NALCN: variants seen among roughly 807,000 people sequenced by gnomAD.
NALCN encodes sodium leak channel NALCN.
NALCN carries 111 observed loss-of-function variants against 225.3 expected under a neutral mutation model. The observed-to-expected ratio is 0.49, with a 90% confidence interval of 0.42 to 0.58. The LOEUF is 0.58. Among genes scored for constraint, NALCN ranks in the 20% least tolerant of loss-of-function variants. The pLI, the probability that NALCN is intolerant of heterozygous loss-of-function variation, is 0.00. For synonymous variants in NALCN, 764 were observed against 769.0 expected, an observed-to-expected ratio of 0.99 and a Z score of 0.11; for missense variants, 1,378 against 2,202.4, an observed-to-expected ratio of 0.63 and a Z score of 7.49.
intron 17 of NALCN, among the ~76,000 whole-genome samples, chr13:101,130,495 G>T (rs2036466028): frequency 6.6e-6 from 1 of 152,110 alleles, no homozygotes; most frequent in South Asian, 2.1e-4. Flanking sequence ...GTTATCTGAG[G>T]CATGTTTTTT....
intron 6 of NALCN, among the ~76,000 whole-genome samples, chr13:101,355,998 C>T (rs1170938819): frequency 2.0e-5 from 3 of 152,026 alleles, no homozygotes; most frequent in Non-Finnish European, 4.4e-5. Flanking sequence ...TCTTTGAAAC[C>T]AATGAGAACA....
intron 22 of NALCN, among the ~76,000 whole-genome samples, chr13:101,105,228 G>A (rs2035032938): frequency 6.6e-6 from 1 of 152,186 alleles, no homozygotes. Flanking sequence ...AGAATTTTCT[G>A]ACATGGGTAG....
chr13:101,282,321 G>A (rs1163707119), intron 10 of NALCN, among the ~76,000 whole-genome samples: 1 of 152,086 alleles, frequency 6.6e-6, no homozygotes, highest in Non-Finnish European at 1.5e-5. Flanking sequence ...ATATTACTCA[G>A]CCATAATAAA....
rs1277154833 is a variant in NALCN at position 101,254,810 on chromosome 13, G to C, written c.1266+3633C>G. 4.0e-4 allele frequency among the ~76,000 whole-genome samples: 30 copies of C among 75,676 alleles called. 4 individuals are homozygous for C. The highest frequency in any genetic ancestry group is 8.0e-4 in the Non-Finnish European group (25 of 31,284). 49.6% of individuals were successfully genotyped at this position (75,676 alleles called of 152,430 possible). A position where few individuals can be genotyped will look rare whatever the true frequency, so the allele number is the denominator to read the frequency against. On this transcript the variant is annotated intron_variant, in intron 11 of 43. Coordinates refer to ENST00000251127, the MANE Select transcript of NALCN (RefSeq NM_052867.4). ...GGAGGCTGAGGCAGGAGAATGGCGT[G>C]AACCCGGGAGGCGGAGCTTGCAGTG...
At chr13:101,356,903 T>C (rs2046079506) in intron 6 of NALCN, among the ~76,000 whole-genome samples, 1 of 152,158 alleles carries the variant, frequency 6.6e-6, no homozygotes, top group South Asian at 2.1e-4. Flanking sequence ...TCAATAAACG[T>C]AATTCATCAC....
rs541118372 is a variant in NALCN, at chr13:101,395,426, T to G, written c.109-61A>C. ...TAACTGATATCTCAAACTTGTATTA[T>G]GAACCACACTAAGTGGAAAACATAA... is the stretch of plus-strand genomic sequence containing the variant. On this transcript the variant is annotated intron_variant, in intron 2 of 43. Coordinates refer to ENST00000251127, the MANE Select transcript of NALCN (RefSeq NM_052867.4). The G allele has an allele frequency of 3.3e-6, 5 of 1,511,258 alleles. No homozygotes were observed. The South Asian group carries it at 5.0e-5, about 15-fold the overall frequency. The allele number at this position is 1,511,258 out of a possible 1,614,324, so 93.6% of individuals were successfully genotyped here. A position where few individuals can be genotyped will look rare whatever the true frequency, so the allele number is the denominator to read the frequency against.
intron 7 of NALCN, among the ~76,000 whole-genome samples, chr13:101,297,692 C>T (rs1373827263): frequency 3.3e-5 from 5 of 152,180 alleles, no homozygotes; most frequent in East Asian, 1.9e-4. Context: ...TTGTGTTACT[C>T]GGGTCATCCT....
Position 101,312,973 on chromosome 13 carries a change from C to T in NALCN, c.800-20607G>A, listed in dbSNP as rs1260163158. On this transcript the variant is annotated intron_variant, in intron 7 of 43. Transcript: ENST00000251127. The stretch of plus-strand genomic sequence containing the variant: ...TAACCAAAACAGCATGGTACTGGTA[C>T]CAAAACAGAGATATAGATCAATGGA... 3.9e-5 allele frequency among the ~76,000 whole-genome samples: 6 copies of T among 152,142 alleles called. No homozygotes were observed. The East Asian group carries it at 7.7e-4, about 20-fold the overall frequency.
intron 13 of NALCN, among the ~76,000 whole-genome samples, chr13:101,197,439 C>T (rs982923421): frequency 1.3e-5 from 2 of 152,080 alleles, no homozygotes; most frequent in African/African-American, 4.8e-5. Context: ...TCATTTTATT[C>T]ATTTCCTTAG....
intron 2 of NALCN, among the ~76,000 whole-genome samples, chr13:101,398,791 G>A (rs1355007687): frequency 6.6e-6 from 1 of 152,074 alleles, no homozygotes; most frequent in African/African-American, 2.4e-5. Context: ...GGTGCACAGC[G>A]TGGGGAGGGG....
At chr13:101,406,547 C>T (rs903104690) in intron 1 of NALCN, among the ~76,000 whole-genome samples, 165 of 152,102 alleles carry the variant, frequency 1.1e-3, no homozygotes, top group Non-Finnish European at 3.7e-4. Flanking sequence ...CTCTTGGCAT[C>T]AATTATTTTT....
chr13:101,078,908 A>G lies in NALCN; in HGVS notation c.3885+2619T>C, dbSNP rs149371999. 9.5e-4 allele frequency among the ~76,000 whole-genome samples: 145 copies of G among 152,304 alleles called. 1 individual carries two copies. Among genetic ancestry groups the G allele is most frequent in the Non-Finnish European group, 1.8e-3 (122 of 68,018 alleles). ...TTGTGGGAGGGACCAGGTGGAGATA[A>G]TTGAATTAAGGGAGGCAGTTTCCCC... On this transcript the variant is annotated intron_variant, in intron 34 of 43. Transcript: ENST00000251127.
chr13:101,315,394 A>C (rs1333174685), intron 7 of NALCN, among the ~76,000 whole-genome samples: 1 of 152,156 alleles, frequency 6.6e-6, no homozygotes, highest in Non-Finnish European at 1.5e-5. Context: ...TTGATATTAC[A>C]GGATCACTAG....
In NALCN at chr13:101,229,474, G is replaced by A; in HGVS notation, c.1545C>T (p.Ser515=). Residue 515 remains serine, a synonymous_variant, in exon 13 of 44, where the codon AGC becomes AGT. Transcript: ENST00000251127. ...KLGSLVVFTA[S]LLIVMSAISL... ...TAATTGCTGACATAACAATCAAGAG[G>A]CTGGCAGTAAATACAACCAAACTCC... The A allele has an allele frequency of 6.2e-7, 1 of 1,611,456 alleles. No homozygotes were observed. Among genetic ancestry groups the A allele is most frequent in the Non-Finnish European group, 8.5e-7 (1 of 1,178,844 alleles).
chr13:101,318,942 C>T (rs889123788), intron 7 of NALCN, among the ~76,000 whole-genome samples: 2 of 151,966 alleles, frequency 1.3e-5, no homozygotes, highest in African/African-American at 4.8e-5. Context: ...CTCAATAAAC[C>T]TGGACAAAAG....
intron 7 of NALCN, among the ~76,000 whole-genome samples, chr13:101,335,579 T>G (rs1461192254): frequency 1.3e-5 from 2 of 152,158 alleles, no homozygotes. Context: ...TTATCATAGA[T>G]GAAGCCCTTT....
intron 14 of NALCN, among the ~76,000 whole-genome samples, chr13:101,183,588 T>C (rs571327578): frequency 6.6e-6 from 1 of 152,202 alleles, no homozygotes; most frequent in African/African-American, 2.4e-5. Context: ...GCCTCCGAAG[T>C]AGCTGGGATT....
chr13:101,250,512 AG>A (rs1178982478), intron 11 of NALCN, among the ~76,000 whole-genome samples: 2 of 152,064 alleles, frequency 1.3e-5, no homozygotes, highest in African/African-American at 4.8e-5. Flanking sequence ...TACAGGAGTG[AG>A]GAAAGAATGA....
rs1377492353 is a variant in NALCN at position 101,070,061 on chromosome 13, A to ATTTTTTT, written c.4198-1235_4198-1234insAAAAAAA. Among the ~76,000 whole-genome samples the ATTTTTTT allele has an allele frequency of 5.4e-3, 104 of 19,222 alleles. 4 individuals carry two copies. The highest frequency in any genetic ancestry group is 0.033 in the Middle Eastern group (1 of 30). The allele number at this position is 19,222 out of a possible 152,430, so 12.6% of individuals were successfully genotyped here. A position where few individuals can be genotyped will look rare whatever the true frequency, so the allele number is the denominator to read the frequency against. ...TTTGACCTCCTTCCATGAATCATGA[A>ATTTTTTT]TGTTTTTTTTTTTTTTTTTTTTTGA... On this transcript the variant is annotated intron_variant, in intron 37 of 43. Coordinates refer to ENST00000251127, the MANE Select transcript of NALCN (RefSeq NM_052867.4).
Sources: gnomAD v4.1 joint callset for allele counts (sites outside exome capture counted in the v4.1 genomes callset) on GRCh38, gnomAD v4.1.1 for gene constraint, MANE v1.5 for transcripts, NCBI Gene and HGNC (gene_info 2026-07-23, HGNC 2026-07-21) for gene names.